AGMO: variants seen among roughly 807,000 people sequenced by gnomAD.
The protein encoded by AGMO is glyceryl-ether monooxygenase.
A neutral mutation model predicts 60.2 loss-of-function variants in AGMO; 75 were observed. The observed-to-expected ratio is 1.25, with a 90% CI of 1.03 to 1.51. The LOEUF is 1.51. Ranked by LOEUF, AGMO falls within the 40% of genes most tolerant of loss-of-function variation. The pLI is 0.00. For synonymous variants in AGMO, 261 were observed against 177.1 expected, an observed-to-expected ratio of 1.47 and a Z score of -3.76; for missense variants, 763 against 525.5, an observed-to-expected ratio of 1.45 and a Z score of -4.42.
intron 3 of AGMO, among the ~76,000 whole-genome samples, chr7:15,460,765 T>C (rs1253437683): frequency 5.3e-5 from 8 of 152,118 alleles, no homozygotes; most frequent in African/African-American, 1.9e-4. Context: ...TCAGAGAAGG[T>C]TGGAAGAAAA....
chr7:15,397,109 C>T (rs1248587426), intron 5 of AGMO, among the ~76,000 whole-genome samples: 4 of 152,132 alleles, frequency 2.6e-5, no homozygotes, highest in Admixed American at 6.5e-5. Context: ...GGAAACTTTG[C>T]GGTACCTATC....
At chr7:15,338,152 T>C (rs1781722684) in intron 12 of AGMO, among the ~76,000 whole-genome samples, 1 of 152,194 alleles carries the variant, frequency 6.6e-6, no homozygotes, top group Non-Finnish European at 1.5e-5. Flanking sequence ...TGTAATATTA[T>C]AATTAAATTT....
chr7:15,258,379 ACTGT>A (rs2128508731), intron 12 of AGMO, among the ~76,000 whole-genome samples: 1 of 151,270 alleles, frequency 6.6e-6, no homozygotes, highest in East Asian at 2.0e-4. Context: ...CTGTTGATTC[ACTGT>A]CTGTATTTAA....
intron 2 of AGMO, 126 bp from the exon 3 acceptor site, chr7:15,545,049 T>A: frequency 1.6e-6 from 1 of 641,804 alleles, no homozygotes; most frequent in Non-Finnish European, 2.3e-6. Flanking sequence ...TCTTCTACTT[T>A]GTGTCTTCTA....
intron 12 of AGMO, among the ~76,000 whole-genome samples, chr7:15,211,665 A>G (rs992341769): frequency 2.0e-5 from 3 of 151,906 alleles, no homozygotes; most frequent in African/African-American, 7.2e-5. Flanking sequence ...ATAATTTCTA[A>G]AGATCCTCCC....
At chr7:15,263,483 A>G (rs1783340119) in intron 12 of AGMO, among the ~76,000 whole-genome samples, 1 of 152,138 alleles carries the variant, frequency 6.6e-6, no homozygotes, top group Non-Finnish European at 1.5e-5. Context: ...AATGTAAAAT[A>G]GTAAAACCAC....
chr7:15,191,969 TCTCTCACACA>T, the AGMO span, among the ~76,000 whole-genome samples: 18 of 73,482 alleles, frequency 2.4e-4, no homozygotes, highest in African/African-American at 7.8e-4. Context: ...CCTCTGTCTC[TCTCTCACACA>T]CACACACACA....
chr7:15,425,676 G>A (rs561638056), intron 4 of AGMO, among the ~76,000 whole-genome samples: 13 of 152,202 alleles, frequency 8.5e-5, no homozygotes, highest in African/African-American at 2.4e-4. Flanking sequence ...CTGGGCTCAA[G>A]CAATCTGCCT....
At position 15,365,537 on chromosome 7, in the gene AGMO, G is replaced by GTCC; in HGVS notation, c.1239_1240insGGA (p.Val413_Pro414insGly). Reference sequence around the variant, plus strand: ...ACCTCAAAAGCAGATGACAATGAAGGGACAAGAGGCTTCAGGTGACCAAAT... The same window carrying GTCC: ...ACCTCAAAAGCAGATGACAATGAAGGTCCGACAAGAGGCTTCAGGTGACCAAAT... On this transcript the variant is annotated inframe_insertion, in exon 12 of 13. Coordinates refer to ENST00000342526, the MANE Select transcript of AGMO (RefSeq NM_001004320.2). The GTCC allele has an allele frequency of 6.2e-7, 1 of 1,612,472 alleles. No individual in the cohort carries two copies. Among genetic ancestry groups the GTCC allele is most frequent in the Non-Finnish European group, 8.5e-7 (1 of 1,178,866 alleles).
In AGMO at chr7:15,348,164, A is replaced by G. The variant is rs1414746014; in HGVS notation, c.1263+17350T>C. On this transcript the variant is annotated intron_variant, in intron 12 of 12. Coordinates refer to ENST00000342526, the MANE Select transcript of AGMO (RefSeq NM_001004320.2). Reference sequence around the variant, plus strand: ...CCTATTGACATGTAATCCAAAAGGAACAGTTTAGCACAGTCTCATGTTCTC... The same window carrying G: ...CCTATTGACATGTAATCCAAAAGGAGCAGTTTAGCACAGTCTCATGTTCTC... Among the ~76,000 whole-genome samples, 7 of 152,190 alleles carry G rather than the reference A, an allele frequency of 4.6e-5. No individual in the cohort carries two copies. In the South Asian group the frequency reaches 1.2e-3, roughly 27 times the overall value.
At chr7:15,368,082 AG>A (rs1783054349) in intron 10 of AGMO, among the ~76,000 whole-genome samples, 1 of 152,052 alleles carries the variant, frequency 6.6e-6, no homozygotes, top group South Asian at 2.1e-4. Flanking sequence ...GCAATACTTT[AG>A]TGGAAGAGTA....
At chr7:15,404,563 C>A (rs2128490549) in intron 5 of AGMO, among the ~76,000 whole-genome samples, 1 of 151,922 alleles carries the variant, frequency 6.6e-6, no homozygotes, top group Admixed American at 6.6e-5. Context: ...TTTATATTTA[C>A]AGGTTTAGGC....
intron 10 of AGMO, among the ~76,000 whole-genome samples, chr7:15,369,836 G>C (rs954057697): frequency 6.6e-6 from 1 of 151,998 alleles, no homozygotes; most frequent in Non-Finnish European, 1.5e-5. Flanking sequence ...ATTTGTTTTA[G>C]TATTAATACA....
In AGMO at chr7:15,425,649, C is replaced by T. The variant is rs150732361; in HGVS notation, c.513+5356G>A. On this transcript the variant is annotated intron_variant, in intron 4 of 12. Transcript: ENST00000342526. ...GAGACAGCATCTTGTGATATTGCTT[C>T]GGCTAGTCTTGAACTCCTGGGCTCA... Among the ~76,000 whole-genome samples, 1,320 of 152,030 alleles carry T rather than the reference C, an allele frequency of 8.7e-3. 8 individuals carry two copies. Among genetic ancestry groups the T allele is most frequent in the Non-Finnish European group, 0.014 (985 of 67,966 alleles).
chr7:15,189,075 T>A, the AGMO span, among the ~76,000 whole-genome samples: 29 of 152,276 alleles, frequency 1.9e-4, no homozygotes, highest in African/African-American at 6.5e-4. Context: ...ATAGCATTTT[T>A]AAAATATTTT....
intron 12 of AGMO, among the ~76,000 whole-genome samples, chr7:15,243,050 A>G (rs1226247318): frequency 6.6e-5 from 10 of 151,966 alleles, no homozygotes; most frequent in Non-Finnish European, 1.2e-4. Flanking sequence ...TGGCTATTCT[A>G]TTATTTTGTG....
intron 3 of AGMO, among the ~76,000 whole-genome samples, chr7:15,483,427 G>A (rs1422320632): frequency 5.9e-5 from 9 of 152,022 alleles, no homozygotes; most frequent in African/African-American, 4.8e-5. Flanking sequence ...TTAGCCGGGC[G>A]TGGTGGCGGG....
At chr7:15,354,455 T>TAC (rs756669849) in intron 12 of AGMO, among the ~76,000 whole-genome samples, 587 of 19,550 alleles carry the variant, frequency 0.03, 37 homozygotes, top group African/African-American at 0.076. Context: ...CGTGTGTGTA[T>TAC]ACACACGTGT....
chr7:15,135,015 CATCT>C, the AGMO span, among the ~76,000 whole-genome samples: 2 of 151,704 alleles, frequency 1.3e-5, no homozygotes, highest in Admixed American at 6.6e-5. Context: ...AATTACTATC[CATCT>C]GATTCCAGGA....
Sources: gnomAD v4.1 joint callset for allele counts (sites outside exome capture counted in the v4.1 genomes callset) on GRCh38, gnomAD v4.1.1 for gene constraint, MANE v1.5 for transcripts, NCBI Gene and HGNC (gene_info 2026-07-23, HGNC 2026-07-21) for gene names.